Variants in UMAD1 observed in about 807,000 individuals in gnomAD.
UMAD1 encodes UBAP1-MVB12-associated (UMA) domain containing 1, also known as UBAP1-MVB12-associated (UMA)-domain containing protein 1.
In UMAD1, 8 loss-of-function variants were observed where a neutral mutation model predicts 6.1. The ratio of observed to expected loss-of-function variants is 1.30; its 90% CI spans 0.76 to 2.35. The LOEUF is 2.35. UMAD1 is among the 30% of genes most tolerant of loss of function. UMAD1 has a pLI of 0.00. For synonymous variants in UMAD1, 56 were observed against 31.4 expected (o/e 1.78, Z -2.61); for missense variants, 130 against 78.4 (o/e 1.66, Z -2.49).
chr7:7,717,451 G>C (rs1009859442), intron 2 of UMAD1, among the ~76,000 whole-genome samples: 2 of 152,040 alleles, frequency 1.3e-5, no homozygotes, highest in African/African-American at 4.8e-5. Context: ...ATAACCTCAG[G>C]TATTTACCTC....
At chr7:7,847,733 T>G (rs573961811) in intron 3 of UMAD1, among the ~76,000 whole-genome samples, 2 of 152,190 alleles carry the variant, frequency 1.3e-5, no homozygotes, top group South Asian at 4.1e-4. Context: ...GGGACTCAAA[T>G]CTAAATGAAG....
chr7:7,714,322 T>A (rs917651636), intron 2 of UMAD1, among the ~76,000 whole-genome samples: 15 of 152,352 alleles, frequency 9.8e-5, no homozygotes, highest in African/African-American at 3.4e-4. Context: ...AGACTTTCTT[T>A]GGCTGCTCCA....
chr7:7,741,397 C>G (rs1015467910), intron 2 of UMAD1, among the ~76,000 whole-genome samples: 1 of 151,802 alleles, frequency 6.6e-6, no homozygotes, highest in African/African-American at 2.4e-5. Flanking sequence ...CAGTGAAACC[C>G]CATCTCTACT....
At chr7:7,686,990 T>C (rs955550092) in intron 2 of UMAD1, among the ~76,000 whole-genome samples, 1 of 152,214 alleles carries the variant, frequency 6.6e-6, no homozygotes, top group Non-Finnish European at 1.5e-5. Flanking sequence ...GTTGTAAGGA[T>C]AGCTGAAGAG....
chr7:7,729,414 G>A (rs1781203461), intron 2 of UMAD1, among the ~76,000 whole-genome samples: 1 of 152,152 alleles, frequency 6.6e-6, no homozygotes, highest in African/African-American at 2.4e-5. Flanking sequence ...TCCTTTGAGA[G>A]GACTTTGTTC....
At chr7:7,697,988 CTG>C in intron 2 of UMAD1, among the ~76,000 whole-genome samples, 1 of 152,124 alleles carries the variant, frequency 6.6e-6, no homozygotes, top group African/African-American at 2.4e-5. Flanking sequence ...CCTTAGCAAG[CTG>C]ACCCCACTAC....
chr7:7,691,660 A>G (rs1016405364), intron 2 of UMAD1, among the ~76,000 whole-genome samples: 8 of 152,224 alleles, frequency 5.3e-5, no homozygotes, highest in Non-Finnish European at 1.2e-4. Context: ...TTTTATCTCT[A>G]AAGTTTTCTT....
At chr7:7,809,802 C>G (rs1782988503) in intron 3 of UMAD1, among the ~76,000 whole-genome samples, 1 of 152,014 alleles carries the variant, frequency 6.6e-6, no homozygotes, top group Non-Finnish European at 1.5e-5. Context: ...TGTTTTCATA[C>G]ATCCATTATG....
chr7:7,769,010 A>T (rs1332215037), intron 2 of UMAD1, among the ~76,000 whole-genome samples: 3 of 152,190 alleles, frequency 2.0e-5, no homozygotes, highest in African/African-American at 7.2e-5. Context: ...TGGTGACTAA[A>T]AGGACCAGTG....
At chr7:7,803,981 C>G (rs1461397796) in intron 3 of UMAD1, among the ~76,000 whole-genome samples, 1 of 152,166 alleles carries the variant, frequency 6.6e-6, no homozygotes, top group African/African-American at 2.4e-5. Flanking sequence ...AAGACTAATT[C>G]TTAAGGAAAG....
chr7:7,741,614 TA>T (rs1283992407), intron 2 of UMAD1, among the ~76,000 whole-genome samples: 1 of 147,104 alleles, frequency 6.8e-6, no homozygotes, highest in Non-Finnish European at 1.5e-5. Context: ...ATAATAATAA[TA>T]AAAATAATAA....
At chr7:7,654,391 A>G (rs1471704393) in intron 1 of UMAD1, among the ~76,000 whole-genome samples, 1 of 152,208 alleles carries the variant, frequency 6.6e-6, no homozygotes, top group Non-Finnish European at 1.5e-5. Flanking sequence ...AGATGACTTT[A>G]TCATATGGAT....
At chr7:7,803,324 A>G (rs190915370) in intron 3 of UMAD1, among the ~76,000 whole-genome samples, 98 of 152,302 alleles carry the variant, frequency 6.4e-4, no homozygotes, top group African/African-American at 2.3e-3. Context: ...AAAATTTAAA[A>G]ATTAGCTGAG....
intron 2 of UMAD1, among the ~76,000 whole-genome samples, chr7:7,700,301 C>G (rs1780428033): frequency 6.6e-6 from 1 of 152,124 alleles, no homozygotes; most frequent in Non-Finnish European, 1.5e-5. Context: ...GTACTTCACC[C>G]TCAATACCAA....
At chr7:7,745,229 G>A (rs1052253300) in intron 2 of UMAD1, among the ~76,000 whole-genome samples, 1 of 152,078 alleles carries the variant, frequency 6.6e-6, no homozygotes, top group Non-Finnish European at 1.5e-5. Flanking sequence ...AAGAGGGGAG[G>A]TTGGCCTTGC....
At chr7:7,732,885 G>C (rs531442454) in intron 2 of UMAD1, among the ~76,000 whole-genome samples, 7 of 152,240 alleles carry the variant, frequency 4.6e-5, no homozygotes, top group African/African-American at 1.7e-4. Flanking sequence ...AGATTAAGTT[G>C]GTCATCTATG....
At chr7:7,694,049 A>G (rs1156896078) in intron 2 of UMAD1, among the ~76,000 whole-genome samples, 2 of 152,186 alleles carry the variant, frequency 1.3e-5, no homozygotes, top group African/African-American at 2.4e-5. Flanking sequence ...GTCATTAGAC[A>G]CTTGAACAAG....
rs1300758357 is a variant in UMAD1, at chr7:7,747,232, G to A, written c.83-54438G>A. 3.3e-5 allele frequency among the ~76,000 whole-genome samples: 5 copies of A among 152,254 alleles called. No individual in the cohort carries two copies. The East Asian group carries it at 9.6e-4, about 29-fold the overall frequency. ...ACAGGAGAACAGAAATTGTTTAAAC[G>A]AGAGAGTTTCAAAAGGCCCCACTAC... is the stretch of plus-strand genomic sequence containing the variant. On this transcript the variant is annotated intron_variant, in intron 2 of 3. Coordinates refer to ENST00000682710, the MANE Select transcript of UMAD1 (RefSeq NM_001302348.2).
intron 1 of UMAD1, among the ~76,000 whole-genome samples, chr7:7,663,849 C>G (rs562541129): frequency 6.6e-6 from 1 of 152,278 alleles, no homozygotes; most frequent in African/African-American, 2.4e-5. Context: ...AACTGATCTC[C>G]TATTCCTACA....
Sources: gnomAD v4.1 joint callset for allele counts (sites outside exome capture counted in the v4.1 genomes callset) on GRCh38, gnomAD v4.1.1 for gene constraint, MANE v1.5 for transcripts, NCBI Gene and HGNC (gene_info 2026-07-23, HGNC 2026-07-21) for gene names.